The following SERPINA12 variants were observed in gnomAD, a reference collection of about 807,000 sequenced individuals.
SERPINA12 encodes the protein serpin A12.
A neutral mutation model predicts 25.9 loss-of-function variants in SERPINA12; 21 were observed. The observed-to-expected ratio is 0.81, with a 90% CI of 0.58 to 1.17. SERPINA12 has a LOEUF of 1.17. Ranked by LOEUF, SERPINA12 falls within the 50% of genes most tolerant of loss-of-function variation. The pLI is 0.00. For synonymous variants in SERPINA12, 220 were observed against 196.0 expected (o/e 1.12, Z -1.02); for missense variants, 562 against 508.3 (o/e 1.11, Z -1.02).
At chr14:94,500,527 G>GCC (rs1900671450) in intron 1 of SERPINA12, among the ~76,000 whole-genome samples, 1 of 152,110 alleles carries the variant, frequency 6.6e-6, no homozygotes, top group African/African-American at 2.4e-5. Flanking sequence ...GGGAATTTCT[G>GCC]CCCTGATCCT....
At chr14:94,500,248 C>T (rs1900657508) in intron 1 of SERPINA12, among the ~76,000 whole-genome samples, 1 of 152,228 alleles carries the variant, frequency 6.6e-6, no homozygotes, top group Admixed American at 6.5e-5. Flanking sequence ...ATTGCTCCTT[C>T]AGCATCCATT....
intron 3 of SERPINA12, among the ~76,000 whole-genome samples, chr14:94,493,331 G>A (rs1047971298): frequency 6.6e-6 from 1 of 152,168 alleles, no homozygotes; most frequent in Admixed American, 6.5e-5. Flanking sequence ...GTTTCTTCTC[G>A]GGAAGGTGGA....
exon 2 of SERPINA12, chr14:94,515,912 A>G (rs1479700515): frequency 1.3e-5 from 2 of 152,258 alleles, no homozygotes; most frequent in Non-Finnish European, 2.9e-5. Flanking sequence ...GATATTTGGA[A>G]AGAAAAGAGA....
intron 3 of SERPINA12, 137 bp downstream of exon 3, chr14:94,496,235 CA>C: frequency 2.5e-6 from 2 of 811,026 alleles, no homozygotes; most frequent in Non-Finnish European, 3.9e-6. Flanking sequence ...ATTTGTTCCC[CA>C]GTCTAATTCT....
chr14:94,510,711 T>C (rs991142539), upstream of SERPINA12, among the ~76,000 whole-genome samples: 3 of 151,994 alleles, frequency 2.0e-5, no homozygotes, highest in African/African-American at 7.3e-5. Flanking sequence ...CATCAAACAA[T>C]AAATCCATAA....
At chr14:94,516,323 G>A (rs1476116649) in intron 1 of SERPINA12, among the ~76,000 whole-genome samples, 1 of 152,176 alleles carries the variant, frequency 6.6e-6, no homozygotes, top group East Asian at 1.9e-4. Flanking sequence ...ATGAGTTGGG[G>A]CAGAATGAGG....
chr14:94,511,839 T>C (rs1901119495), upstream of SERPINA12: 2 of 528,626 alleles, frequency 3.8e-6, no homozygotes, highest in Non-Finnish European at 4.8e-6. Flanking sequence ...GGGTCACGCC[T>C]GTACTCCTAG....
At position 94,495,581 on chromosome 14, in the gene SERPINA12, C is replaced by T. The variant is rs143675343; in HGVS notation, c.905+792G>A. Among the ~76,000 whole-genome samples, 954 of 152,234 alleles carry T rather than the reference C, an allele frequency of 6.3e-3. 8 individuals are homozygous for T. The highest frequency in any genetic ancestry group is 9.6e-3 in the Non-Finnish European group (656 of 68,026). ...GTGTGGCAGAGGTTCTTAGTAAATA[C>T]CTTTATGGAGATGCATGGGGAATGA... On this transcript the variant is annotated intron_variant, in intron 3 of 4. Transcript: ENST00000677451.
intron 1 of SERPINA12, among the ~76,000 whole-genome samples, chr14:94,498,837 C>T (rs1169869908): frequency 2.0e-5 from 3 of 152,174 alleles, no homozygotes; most frequent in African/African-American, 7.2e-5. Context: ...AAAATCAGAC[C>T]TCTCAGTGTC....
rs369274676 is a variant in SERPINA12 at position 94,489,640 on chromosome 14, G to T, written c.1033C>A (p.Arg345Ser). ...CTTACCTCGCCCACTTTCAGGCTGCGATGAGGGGCGATCTTGGTGAGATCA... is the reference window on the plus strand; with the variant it reads ...CTTACCTCGCCCACTTTCAGGCTGCTATGAGGGGCGATCTTGGTGAGATCA... The part of the protein sequence containing the change: ...HGDLTKIAPH[R>S]SLKVGEAVHK... The change falls in exon 4 of 5, where the codon CGC becomes AGC. Residue 345 changes from arginine to serine, a missense_variant. Transcript: ENST00000677451. The T allele has an allele frequency of 8.4e-5, 135 of 1,614,000 alleles. No individual in the cohort carries two copies. The highest frequency in any genetic ancestry group is 1.1e-4 in the Non-Finnish European group (131 of 1,179,996).
At chr14:94,499,068 A>T (rs1278698206) in intron 1 of SERPINA12, among the ~76,000 whole-genome samples, 1 of 152,242 alleles carries the variant, frequency 6.6e-6, no homozygotes, top group Non-Finnish European at 1.5e-5. Flanking sequence ...CCAAGTTATG[A>T]AAGCCAATAA....
chr14:94,489,799 C>T, intron 3 of SERPINA12, 32 bp from the exon 4 acceptor site: 1 of 1,608,902 alleles, frequency 6.2e-7, no homozygotes, highest in Non-Finnish European at 8.5e-7. Flanking sequence ...GGTGAGTGGT[C>T]AAGTCCTGTT....
chr14:94,498,220 G>A lies in SERPINA12; in HGVS notation c.178C>T (p.Leu60Phe). 6.2e-7 allele frequency: 1 copy of A among 1,614,218 alleles called. No individual in the cohort carries two copies. The highest frequency in any genetic ancestry group is 1.3e-5 in the African/African-American group (1 of 75,052). The change falls in exon 2 of 5, where the codon CTC (leucine) becomes TTC (phenylalanine). Residue 60 changes from leucine to phenylalanine, a missense_variant. Transcript: ENST00000677451. Reference sequence around the variant, plus strand: ...GGGTTGTAAAAGGCCAGCTTCTTGAGCAGCTTAAAGCCTAAGTCCATGTTC... The same window carrying A: ...GGGTTGTAAAAGGCCAGCTTCTTGAACAGCTTAAAGCCTAAGTCCATGTTC... ...RQNMDLGFKL[L>F]KKLAFYNPGR...
intron 1 of SERPINA12, among the ~76,000 whole-genome samples, 49 bp downstream of exon 1, chr14:94,509,279 AACACACACACACAC>A (rs3065835): frequency 3.8e-4 from 51 of 134,726 alleles, no homozygotes; most frequent in African/African-American, 5.8e-4. Context: ...AGAAACAGAC[AACACACACACACAC>A]ACACACACAC....
At chr14:94,513,011 C>G (rs1011526424), upstream of SERPINA12, among the ~76,000 whole-genome samples, 2 of 152,216 alleles carry the variant, frequency 1.3e-5, no homozygotes, top group African/African-American at 2.4e-5. Flanking sequence ...ATTACCAGCT[C>G]AAGCCACTAG....
chr14:94,510,573 G>A (rs901292558), upstream of SERPINA12, among the ~76,000 whole-genome samples: 1 of 152,204 alleles, frequency 6.6e-6, no homozygotes, highest in Non-Finnish European at 1.5e-5. Flanking sequence ...ACTAAAAGGA[G>A]AGCTACCATT....
chr14:94,500,388 G>A (rs1900665061), intron 1 of SERPINA12, among the ~76,000 whole-genome samples: 1 of 151,728 alleles, frequency 6.6e-6, no homozygotes, highest in South Asian at 2.1e-4. Context: ...TCTTCTCTCA[G>A]GCAGCCCATG....
At chr14:94,492,504 G>A (rs1285930457) in intron 3 of SERPINA12, among the ~76,000 whole-genome samples, 3 of 152,134 alleles carry the variant, frequency 2.0e-5, no homozygotes, top group Admixed American at 1.3e-4. Flanking sequence ...GTTTTCCCTG[G>A]CCCCCTGCGA....
At chr14:94,500,841 T>G (rs149193521) in intron 1 of SERPINA12, 1 of 985,370 alleles carries the variant, frequency 1.0e-6, no homozygotes, top group African/African-American at 1.7e-5. Flanking sequence ...GGTCACTTCC[T>G]TGAAGCCAAA....
Sources: gnomAD v4.1 joint callset for allele counts (sites outside exome capture counted in the v4.1 genomes callset) on GRCh38, gnomAD v4.1.1 for gene constraint, MANE v1.5 for transcripts, NCBI Gene and HGNC (gene_info 2026-07-23, HGNC 2026-07-21) for gene names.